GPBP1: variants seen among roughly 807,000 people sequenced by gnomAD.
GPBP1 encodes vasculin.
GPBP1 carries 13 observed loss-of-function variants against 56.5 expected under a neutral mutation model. That is an observed-to-expected ratio of 0.23 (90% CI 0.15 to 0.37). GPBP1 has a LOEUF of 0.37. GPBP1 is among the 10% of genes least tolerant of loss of function. The probability of loss-of-function intolerance (pLI) is 1.00; values close to 1 mark genes in which losing one functional copy is unlikely to be tolerated. For synonymous variants in GPBP1, 204 were observed against 188.9 expected, an observed-to-expected ratio of 1.08 and a Z score of -0.66; for missense variants, 477 against 572.3, an observed-to-expected ratio of 0.83 and a Z score of 1.70.
chr5:57,209,925 T>C (rs1293945432), intron 2 of GPBP1, among the ~76,000 whole-genome samples: 1 of 152,192 alleles, frequency 6.6e-6, no homozygotes, highest in Non-Finnish European at 1.5e-5. Context: ...GTACTTTGGT[T>C]GTAGTTAGAA....
chr5:57,176,325 A>G lies in GPBP1; in HGVS notation c.-133A>G. On this transcript the variant is annotated 5_prime_UTR_variant, in exon 2 of 12. Coordinates refer to ENST00000506184, the MANE Select transcript of GPBP1 (RefSeq NM_022913.4). The stretch of plus-strand genomic sequence containing the variant: ...CTTCGATATTATTTCAGAGGATACA[A>G]AATAAAAATACAAACTGGAAAATAA... 3.8e-6 allele frequency: 1 copy of G among 263,430 alleles called. No homozygotes were observed. The highest frequency in any genetic ancestry group is 6.8e-5 in the East Asian group (1 of 14,814). 16.3% of individuals were successfully genotyped at this position (263,430 alleles called of 1,614,324 possible).
intron 3 of GPBP1, among the ~76,000 whole-genome samples, chr5:57,223,234 G>A (rs1580033085): frequency 6.6e-6 from 1 of 151,900 alleles, no homozygotes; most frequent in East Asian, 1.9e-4. Context: ...GGGACTACAC[G>A]CGTGTGCCAC....
intron 3 of GPBP1, 22 bp from the exon 4 acceptor site, chr5:57,230,824 G>C (rs758310754): frequency 6.3e-7 from 1 of 1,586,346 alleles, no homozygotes; most frequent in Non-Finnish European, 8.6e-7. Context: ...ATAAATACCT[G>C]TATTTTTATA....
chr5:57,211,258 C>T (rs1194331687), intron 2 of GPBP1, among the ~76,000 whole-genome samples: 2 of 151,868 alleles, frequency 1.3e-5, no homozygotes, highest in Non-Finnish European at 2.9e-5. Context: ...GGCGTCATAG[C>T]TCACTGCAGC....
intron 2 of GPBP1, among the ~76,000 whole-genome samples, chr5:57,188,535 G>C (rs949219331): frequency 2.6e-5 from 4 of 151,772 alleles, no homozygotes; most frequent in African/African-American, 9.7e-5. Flanking sequence ...GGGAGTTTGC[G>C]ACCAGCCTGG....
intron 3 of GPBP1, among the ~76,000 whole-genome samples, chr5:57,215,248 C>T (rs1255689207): frequency 1.3e-5 from 2 of 152,154 alleles, no homozygotes; most frequent in Non-Finnish European, 2.9e-5. Context: ...TAGAATTATT[C>T]TTAGTCCCTG....
At chr5:57,203,276 A>G (rs1330251996) in intron 2 of GPBP1, among the ~76,000 whole-genome samples, 2 of 152,186 alleles carry the variant, frequency 1.3e-5, no homozygotes, top group East Asian at 3.8e-4. Context: ...TTCATATGGA[A>G]TAATTTAACA....
intron 3 of GPBP1, among the ~76,000 whole-genome samples, chr5:57,220,900 A>G (rs143941470): frequency 1.7e-5 from 2 of 120,268 alleles, no homozygotes; most frequent in East Asian, 7.0e-4. Flanking sequence ...TATGAATTCT[A>G]TTTGTAATTA....
At chr5:57,246,880 T>C (rs1177795289) in intron 7 of GPBP1, among the ~76,000 whole-genome samples, 195 bp from the exon 8 acceptor site, 1 of 152,204 alleles carries the variant, frequency 6.6e-6, no homozygotes, top group Non-Finnish European at 1.5e-5. Flanking sequence ...GTTAGATACC[T>C]AAATGTTCAG....
intron 2 of GPBP1, among the ~76,000 whole-genome samples, chr5:57,202,199 G>C (rs1755049454): frequency 6.6e-6 from 1 of 152,104 alleles, no homozygotes; most frequent in South Asian, 2.1e-4. Flanking sequence ...TGACCAGGCT[G>C]GTCTCAAACT....
At chr5:57,260,421 A>G (rs1280887767) in intron 10 of GPBP1, among the ~76,000 whole-genome samples, 1 of 152,158 alleles carries the variant, frequency 6.6e-6, no homozygotes, top group Non-Finnish European at 1.5e-5. Context: ...TCTTCCACCC[A>G]AGTTTCACCA....
intron 2 of GPBP1, among the ~76,000 whole-genome samples, chr5:57,187,213 T>C (rs1432673534): frequency 6.6e-6 from 1 of 152,160 alleles, no homozygotes; most frequent in Non-Finnish European, 1.5e-5. Flanking sequence ...TAAGACCTGT[T>C]GCAAAATAAC....
At chr5:57,226,457 A>C (rs189399054) in intron 3 of GPBP1, among the ~76,000 whole-genome samples, 182 of 152,242 alleles carry the variant, frequency 1.2e-3, no homozygotes, top group Non-Finnish European at 1.9e-3. Context: ...TAACAGTGGA[A>C]TAATAATGGG....
Position 57,249,468 on chromosome 5 carries a change from C to G in GPBP1, c.864C>G (p.Thr288=). The part of the protein sequence containing the change: ...VDKLNQQPRL[T]KLTRMRTDKK... Reference sequence around the variant, plus strand: ...AACTTAATCAGCAGCCTCGTCTAACCAAACTGACACGAATGCGCACTGATA... The same window carrying G: ...AACTTAATCAGCAGCCTCGTCTAACGAAACTGACACGAATGCGCACTGATA... Residue 288 remains threonine (T), a synonymous_variant, in exon 9 of 12, where the codon ACC becomes ACG. Transcript: ENST00000506184. 5 of 1,612,012 alleles carry G rather than the reference C, an allele frequency of 3.1e-6. No homozygotes were observed. The South Asian group carries it at 5.5e-5, about 18-fold the overall frequency.
chr5:57,176,630 C>T (rs1028107285), intron 2 of GPBP1, among the ~76,000 whole-genome samples: 6 of 152,156 alleles, frequency 3.9e-5, no homozygotes, highest in African/African-American at 1.4e-4. Context: ...TCCTAAGCTA[C>T]AAGTTTTTGC....
chr5:57,232,929 G>A (rs1369471807), intron 5 of GPBP1, among the ~76,000 whole-genome samples: 1 of 152,214 alleles, frequency 6.6e-6, no homozygotes, highest in African/African-American at 2.4e-5. Context: ...AGGCTAGTAT[G>A]AGTAAAGAGT....
intron 2 of GPBP1, among the ~76,000 whole-genome samples, chr5:57,201,499 T>C (rs1443240304): frequency 2.6e-5 from 4 of 152,192 alleles, no homozygotes; most frequent in Admixed American, 2.6e-4. Context: ...ATAGTTCTTT[T>C]TGATAATATA....
At chr5:57,232,270 A>G (rs918710169) in intron 5 of GPBP1, among the ~76,000 whole-genome samples, 2 of 152,206 alleles carry the variant, frequency 1.3e-5, no homozygotes, top group African/African-American at 4.8e-5. Flanking sequence ...TTATAGGTGT[A>G]AAAAGTAAAG....
intron 2 of GPBP1, among the ~76,000 whole-genome samples, chr5:57,180,690 T>C (rs1386077420): frequency 1.3e-5 from 2 of 152,110 alleles, no homozygotes; most frequent in Non-Finnish European, 2.9e-5. Flanking sequence ...GATGGAAATA[T>C]ATATGGAGGG....
Sources: allele counts gnomAD v4.1 joint callset (sites outside exome capture counted in the v4.1 genomes callset), GRCh38; gene constraint gnomAD v4.1.1; transcripts MANE v1.5; gene names NCBI Gene and HGNC (gene_info 2026-07-23, HGNC 2026-07-21).